Variants in DLC1 observed in about 807,000 individuals in gnomAD.
DLC1 encodes rho GTPase-activating protein 7.
Under a neutral mutation model 140.3 loss-of-function variants are expected in DLC1, and 54 were observed. The ratio of observed to expected loss-of-function variants is 0.38; its 90% CI spans 0.31 to 0.48. DLC1 has a LOEUF of 0.48. Among genes scored for constraint, DLC1 ranks in the 20% least tolerant of loss-of-function variants. The pLI is 0.96. For synonymous variants in DLC1, 986 were observed against 728.1 expected (o/e 1.35, Z -5.70); for missense variants, 2,536 against 1,907.0 (o/e 1.33, Z -6.14).
chr8:13,287,989 T>C (rs916035884), intron 5 of DLC1, among the ~76,000 whole-genome samples: 39 of 152,242 alleles, frequency 2.6e-4, no homozygotes, highest in African/African-American at 9.4e-4. Flanking sequence ...TTTAAATTCA[T>C]ACGTTATCTT....
rs1491415150 is a variant in DLC1, at chr8:13,413,256, A to AC, written c.1024-11638_1024-11637insG. Among the ~76,000 whole-genome samples, 97 of 82,020 alleles carry AC rather than the reference A, an allele frequency of 1.2e-3. 2 individuals are homozygous for AC. In the Admixed American group the frequency reaches 0.013, roughly 11 times the overall value. 53.8% of individuals were successfully genotyped at this position (82,020 alleles called of 152,430 possible). A position where few individuals can be genotyped will look rare whatever the true frequency, so the allele number is the denominator to read the frequency against. On this transcript the variant is annotated intron_variant, in intron 2 of 17. Coordinates refer to ENST00000276297, the MANE Select transcript of DLC1 (RefSeq NM_182643.3). ...TAAAACATTATGAGATTTTTTTGCGATTTTTTTTTTTTTTTTTTTTTAGCT... is the reference window on the plus strand; with the variant it reads ...TAAAACATTATGAGATTTTTTTGCGACTTTTTTTTTTTTTTTTTTTTTAGCT...
intron 5 of DLC1, among the ~76,000 whole-genome samples, chr8:13,284,481 C>T (rs1368575279): frequency 3.3e-5 from 5 of 151,970 alleles, no homozygotes; most frequent in Non-Finnish European, 5.9e-5. Flanking sequence ...GCGCTGAGAT[C>T]GCGCCATTGC....
chr8:13,547,571 C>A (rs536804327), intron 1 of DLC1, among the ~76,000 whole-genome samples: 1 of 152,008 alleles, frequency 6.6e-6, no homozygotes, highest in African/African-American at 2.4e-5. Context: ...TGCTATTGCT[C>A]TCAATGTTAT....
At chr8:13,518,309 G>T (rs1237284351), upstream of DLC1, among the ~76,000 whole-genome samples, 2 of 152,032 alleles carry the variant, frequency 1.3e-5, no homozygotes, top group African/African-American at 4.8e-5. Context: ...GGGTTTCATC[G>T]TGTTGGCCAG....
At chr8:13,503,801 A>G (rs1283210728) in intron 1 of DLC1, among the ~76,000 whole-genome samples, 1 of 152,194 alleles carries the variant, frequency 6.6e-6, no homozygotes, top group Non-Finnish European at 1.5e-5. Context: ...AAGCTTACCA[A>G]TTTTGTGGGA....
chr8:13,412,707 G>T (rs1837832719), intron 2 of DLC1, among the ~76,000 whole-genome samples: 1 of 151,962 alleles, frequency 6.6e-6, no homozygotes, highest in African/African-American at 2.4e-5. Context: ...GCCGAGGTGG[G>T]CGAATCACGA....
intron 2 of DLC1, among the ~76,000 whole-genome samples, chr8:13,424,837 T>G (rs1422292374): frequency 1.3e-5 from 2 of 152,122 alleles, no homozygotes; most frequent in Admixed American, 6.5e-5. Flanking sequence ...CCTCCCAAAG[T>G]GCTGGGATTA....
At chr8:13,472,712 C>T (rs959015892) in intron 2 of DLC1, among the ~76,000 whole-genome samples, 25 of 152,116 alleles carry the variant, frequency 1.6e-4, no homozygotes, top group Non-Finnish European at 2.9e-5. Context: ...AAATGTTCCT[C>T]CTAGTAGGAG....
intron 4 of DLC1, among the ~76,000 whole-genome samples, chr8:13,354,721 G>T (rs1834839643): frequency 6.6e-6 from 1 of 150,806 alleles, no homozygotes; most frequent in Non-Finnish European, 1.5e-5. Flanking sequence ...GAAGTGGGTG[G>T]ATTGCTTGAG....
chr8:13,595,423 AT>A (rs1353275953), intron 1 of DLC1, among the ~76,000 whole-genome samples: 1 of 152,078 alleles, frequency 6.6e-6, no homozygotes. Context: ...ATCTTTTAGT[AT>A]TTAAAAGTGA....
At chr8:13,327,197 TCTC>T (rs1314323358) in intron 4 of DLC1, among the ~76,000 whole-genome samples, 9 of 142,056 alleles carry the variant, frequency 6.3e-5, no homozygotes, top group Non-Finnish European at 1.2e-4. Context: ...ATGGTCTCGA[TCTC>T]CTGACCTCAT....
intron 4 of DLC1, among the ~76,000 whole-genome samples, chr8:13,386,595 A>G (rs1836528945): frequency 6.6e-6 from 1 of 152,166 alleles, no homozygotes; most frequent in African/African-American, 2.4e-5. Context: ...ACAAGAAATT[A>G]GAGAATTTTG....
rs143804483 is a variant in DLC1 at position 13,184,313 on chromosome 8, C to T, written c.1349-68656G>A. Among the ~76,000 whole-genome samples the T allele has an allele frequency of 4.1e-3, 617 of 151,070 alleles. 4 individuals are homozygous for T. Among genetic ancestry groups the T allele is most frequent in the Non-Finnish European group, 6.7e-3 (448 of 67,350 alleles). Reference sequence around the variant, plus strand: ...TGAAGGGTTTTTTGTGTCTCTATCTCCTTTAGTTATTTCTTGCTTTCTGCT... The same window carrying T: ...TGAAGGGTTTTTTGTGTCTCTATCTTCTTTAGTTATTTCTTGCTTTCTGCT... On this transcript the variant is annotated intron_variant, in intron 5 of 17. Coordinates refer to ENST00000276297, the MANE Select transcript of DLC1 (RefSeq NM_182643.3).
At position 13,100,318 on chromosome 8, in the gene DLC1, G is replaced by A. The variant is rs1024655533; in HGVS notation, c.2019C>T (p.Ser673=). The A allele has an allele frequency of 6.2e-7, 1 of 1,614,120 alleles. No homozygotes were observed. ...TGTGATGGGAGCTCTTGAGCTTCAGGCTCTCCATCCGTTTCAGCAGACTGC... is the reference window on the plus strand; with the variant it reads ...TGTGATGGGAGCTCTTGAGCTTCAGACTCTCCATCCGTTTCAGCAGACTGC... ...KTRSLLKRME[S]LKLKSSHHSK... The change falls in exon 9 of 18, where the codon AGC becomes AGT. Residue 673 remains serine (S), a synonymous_variant. Transcript: ENST00000276297.
intron 4 of DLC1, chr8:13,339,656 C>G (rs1201384412): frequency 6.6e-6 from 1 of 152,122 alleles, no homozygotes; most frequent in East Asian, 1.9e-4. Context: ...ATCAGAACCT[C>G]TAAAATTGCA....
intron 5 of DLC1, among the ~76,000 whole-genome samples, chr8:13,266,067 A>C (rs1177516147): frequency 6.6e-6 from 1 of 152,212 alleles, no homozygotes; most frequent in Non-Finnish European, 1.5e-5. Context: ...ACACATAATC[A>C]CTGAAGGACT....
intron 1 of DLC1, among the ~76,000 whole-genome samples, chr8:13,596,628 A>T (rs2117487201): frequency 6.6e-6 from 1 of 152,144 alleles, no homozygotes; most frequent in East Asian, 1.9e-4. Flanking sequence ...CAGAAAGGAG[A>T]ATGGATATGC....
chr8:13,136,954 G>T (rs890944038), intron 5 of DLC1, among the ~76,000 whole-genome samples: 1 of 152,086 alleles, frequency 6.6e-6, no homozygotes, highest in African/African-American at 2.4e-5. Flanking sequence ...GGTTTTACGA[G>T]GCTTGAATAA....
intron 1 of DLC1, chr8:13,557,854 A>G (rs1804102460): frequency 6.6e-6 from 1 of 152,176 alleles, no homozygotes; most frequent in Non-Finnish European, 1.5e-5. Context: ...CAATCTAGAG[A>G]CAAATCTCTA....
Sources: gnomAD v4.1 joint callset for allele counts (sites outside exome capture counted in the v4.1 genomes callset) on GRCh38, gnomAD v4.1.1 for gene constraint, MANE v1.5 for transcripts, NCBI Gene and HGNC (gene_info 2026-07-23, HGNC 2026-07-21) for gene names.